PPARGC1A: variants seen among roughly 807,000 people sequenced by gnomAD.
PPARGC1A encodes peroxisome proliferator-activated receptor gamma coactivator 1-alpha.
A neutral mutation model predicts 88.7 loss-of-function variants in PPARGC1A; 25 were observed. That is an observed-to-expected ratio of 0.28 (90% CI 0.21 to 0.39). The LOEUF (loss-of-function observed/expected upper bound fraction) is 0.39, where lower values mean the gene tolerates loss of function less well. Among genes scored for constraint, PPARGC1A ranks in the 10% least tolerant of loss-of-function variants. PPARGC1A has a pLI of 1.00. For synonymous variants in PPARGC1A, 363 were observed against 355.6 expected (o/e 1.02, Z -0.24); for missense variants, 880 against 968.7 (o/e 0.91, Z 1.22).
At chr4:24,317,161 T>C in the PPARGC1A span, among the ~76,000 whole-genome samples, 1 of 151,856 alleles carries the variant, frequency 6.6e-6, no homozygotes, top group Admixed American at 6.6e-5. Flanking sequence ...CAGCTAGGAG[T>C]GGGCATACTA....
chr4:24,031,694 C>T, the PPARGC1A span, among the ~76,000 whole-genome samples: 4 of 152,096 alleles, frequency 2.6e-5, no homozygotes, highest in African/African-American at 9.7e-5. Context: ...ACAGTAGCAC[C>T]CCACCCCTAA....
chr4:24,293,700 C>T, the PPARGC1A span, among the ~76,000 whole-genome samples: 39,010 of 144,532 alleles, frequency 0.27, 5,493 homozygotes, highest in Non-Finnish European at 0.31. Context: ...CAAGGTCTAA[C>T]TCAGGGATTA....
intron 7 of PPARGC1A, among the ~76,000 whole-genome samples, chr4:23,816,102 C>A (rs187996022): frequency 6.6e-6 from 1 of 152,184 alleles, no homozygotes; most frequent in African/African-American, 2.4e-5. Flanking sequence ...GCTAATTCTC[C>A]CTGAGAGAAG....
the PPARGC1A span, among the ~76,000 whole-genome samples, chr4:24,471,057 C>T: frequency 6.6e-6 from 1 of 151,482 alleles, no homozygotes. This position sits in a 1 kb window ranked among gnomAD's most constrained non-coding sequence, Gnocchi z 5.4. Context: ...CGGCGGGCAG[C>T]CCCGCAAGCG....
At chr4:23,845,551 G>A (rs951590677) in intron 2 of PPARGC1A, among the ~76,000 whole-genome samples, 6 of 152,124 alleles carry the variant, frequency 3.9e-5, no homozygotes, top group Non-Finnish European at 8.8e-5. Flanking sequence ...GAGGCAGGGT[G>A]TCCTTTCTGT....
At chr4:23,834,799 T>C (rs1725721615) in intron 2 of PPARGC1A, among the ~76,000 whole-genome samples, 1 of 152,150 alleles carries the variant, frequency 6.6e-6, no homozygotes, top group African/African-American at 2.4e-5. Context: ...ATAACTCCCT[T>C]CTTTGATTCC....
At chr4:23,806,757 T>C (rs1719881214) in intron 10 of PPARGC1A, among the ~76,000 whole-genome samples, 1 of 152,168 alleles carries the variant, frequency 6.6e-6, no homozygotes, top group South Asian at 2.1e-4. Flanking sequence ...ATTACTAAAA[T>C]CTTTATCAAA....
At chr4:24,171,632 T>G in the PPARGC1A span, among the ~76,000 whole-genome samples, 5 of 152,212 alleles carry the variant, frequency 3.3e-5, no homozygotes, top group East Asian at 9.7e-4. Context: ...TCACTAAATA[T>G]AAATTCACAG....
the PPARGC1A span, among the ~76,000 whole-genome samples, chr4:23,950,659 G>T: frequency 2.6e-5 from 4 of 152,156 alleles, no homozygotes; most frequent in Non-Finnish European, 5.9e-5. Context: ...AAGAGTGGAT[G>T]TAAGGATCCT....
At chr4:24,071,239 T>G in the PPARGC1A span, among the ~76,000 whole-genome samples, 3,876 of 152,168 alleles carry the variant, frequency 0.025, 63 homozygotes, top group Admixed American at 0.038. Context: ...CCCTAAATTC[T>G]GATTTCCATT....
At chr4:23,958,753 T>C in the PPARGC1A span, among the ~76,000 whole-genome samples, 1 of 152,078 alleles carries the variant, frequency 6.6e-6, no homozygotes, top group Non-Finnish European at 1.5e-5. Context: ...CTTATTCAAG[T>C]AACAGAATTG....
At chr4:23,955,306 A>T in the PPARGC1A span, among the ~76,000 whole-genome samples, 1 of 152,126 alleles carries the variant, frequency 6.6e-6, no homozygotes, top group Non-Finnish European at 1.5e-5. Flanking sequence ...TACACACAGC[A>T]TCTGCCCAGA....
At chr4:23,872,486 T>C (rs549633625) in intron 2 of PPARGC1A, among the ~76,000 whole-genome samples, 2 of 152,298 alleles carry the variant, frequency 1.3e-5, no homozygotes, top group South Asian at 2.1e-4. Flanking sequence ...AGAATATTCC[T>C]CTAGCTAGGA....
chr4:23,829,510 G>T lies in PPARGC1A; in HGVS notation c.505C>A (p.His169Asn), dbSNP rs749818867. Reference protein sequence around the residue: ...NECSGLSTQNHANHNHRIRTN... With the variant: ...NECSGLSTQNNANHNHRIRTN... Reference sequence around the variant, plus strand: ...CTGATCCTGTGATTGTGATTTGCATGGTTCTGGGTACTGAGACCACTGCAT... The same window carrying T: ...CTGATCCTGTGATTGTGATTTGCATTGTTCTGGGTACTGAGACCACTGCAT... The change falls in exon 4 of 13, where the codon CAT (histidine) becomes AAT (asparagine). Residue 169 changes from histidine to asparagine, a missense_variant. Transcript: ENST00000264867. 1 of 1,613,698 alleles carries T rather than the reference G, an allele frequency of 6.2e-7. No individual in the cohort carries two copies. Among genetic ancestry groups the T allele is most frequent in the South Asian group, 1.1e-5 (1 of 91,046 alleles).
the PPARGC1A span, among the ~76,000 whole-genome samples, chr4:24,305,688 T>C: frequency 1.3e-5 from 2 of 152,168 alleles, no homozygotes; most frequent in South Asian, 4.1e-4. Context: ...GGCACATGTC[T>C]GTAATCCCAA....
chr4:24,288,611 T>A, the PPARGC1A span, among the ~76,000 whole-genome samples: 2 of 152,210 alleles, frequency 1.3e-5, no homozygotes, highest in Admixed American at 1.3e-4. Context: ...ATTAATGGCA[T>A]TTCACACTAA....
chr4:24,258,127 T>C, the PPARGC1A span: 1 of 712,936 alleles, frequency 1.4e-6, no homozygotes, highest in Non-Finnish European at 1.7e-6. Context: ...GATTTCCTGA[T>C]ATGGCAAGAG....
At chr4:24,077,900 G>GT in the PPARGC1A span, among the ~76,000 whole-genome samples, 34 of 151,670 alleles carry the variant, frequency 2.2e-4, no homozygotes, top group African/African-American at 5.3e-4. Flanking sequence ...TTCTCAGAGA[G>GT]TTTTTTTCTC....
the PPARGC1A span, among the ~76,000 whole-genome samples, chr4:24,045,863 A>C: frequency 6.6e-6 from 1 of 152,322 alleles, no homozygotes; most frequent in South Asian, 2.1e-4. Flanking sequence ...TATAACTACC[A>C]AAAACGGGCT....
Sources: gnomAD v4.1 joint callset for allele counts (sites outside exome capture counted in the v4.1 genomes callset) on GRCh38, gnomAD v4.1.1 for gene constraint, Gnocchi (gnomAD v3.1) non-coding constraint, MANE v1.5 for transcripts, NCBI Gene and HGNC (gene_info 2026-07-23, HGNC 2026-07-21) for gene names.